The following ANXA8 variants were observed in gnomAD, a reference collection of about 807,000 sequenced individuals.
ANXA8 encodes the protein annexin A8.
In ANXA8, 9 loss-of-function variants were observed where a neutral mutation model predicts 26.8. That is an observed-to-expected ratio of 0.34 (90% CI 0.20 to 0.59). The LOEUF (loss-of-function observed/expected upper bound fraction) is 0.59. Ranked by LOEUF, ANXA8 falls within the 20% of genes least tolerant of loss-of-function variation. The pLI is 0.84. For synonymous variants in ANXA8, 39 were observed against 94.8 expected, an observed-to-expected ratio of 0.41 and a Z score of 3.42; for missense variants, 83 against 238.5, an observed-to-expected ratio of 0.35 and a Z score of 4.29.
At chr10:47,946,323 G>T in the ANXA8 span, among the ~76,000 whole-genome samples, 2 of 150,198 alleles carry the variant, frequency 1.3e-5, no homozygotes, top group Admixed American at 6.6e-5. Flanking sequence ...GTATTCTTGC[G>T]ATGGTTGGGC....
chr10:47,936,902 C>T, the ANXA8 span, among the ~76,000 whole-genome samples: 30 of 151,818 alleles, frequency 2.0e-4, no homozygotes, highest in South Asian at 4.2e-3. Context: ...GTATGGGCTG[C>T]TAAGTACTTT....
chr10:47,676,866 C>T, the ANXA8 span, among the ~76,000 whole-genome samples: 29 of 146,140 alleles, frequency 2.0e-4, no homozygotes, highest in Admixed American at 5.4e-4. Flanking sequence ...TGCACTGAGC[C>T]GAGATCATGT....
At chr10:47,738,622 G>C in the ANXA8 span, among the ~76,000 whole-genome samples, 2 of 151,984 alleles carry the variant, frequency 1.3e-5, no homozygotes, top group Non-Finnish European at 2.9e-5. Flanking sequence ...TGTTGCCCAG[G>C]CTGGAGTGCA....
chr10:47,966,046 G>A, the ANXA8 span, among the ~76,000 whole-genome samples: 2 of 141,292 alleles, frequency 1.4e-5, no homozygotes, highest in African/African-American at 5.0e-5. Flanking sequence ...GGGCAAAGGG[G>A]AAGAGGAAGA....
chr10:47,568,101 C>T, the ANXA8 span: 1 of 327,440 alleles, frequency 3.1e-6, no homozygotes. Flanking sequence ...ACGGTGCGAT[C>T]TCGGCTCACT....
the ANXA8 span, among the ~76,000 whole-genome samples, chr10:47,746,958 T>A: frequency 1.6e-5 from 2 of 125,314 alleles, no homozygotes; most frequent in Non-Finnish European, 3.4e-5. Flanking sequence ...TTTTTCTGCT[T>A]GAGGCAGACC....
the ANXA8 span, among the ~76,000 whole-genome samples, chr10:47,896,998 T>G: frequency 7.1e-6 from 1 of 140,884 alleles, no homozygotes; most frequent in Non-Finnish European, 1.5e-5. Flanking sequence ...TGGCGCGATC[T>G]CGGCTCACTG....
the ANXA8 span, among the ~76,000 whole-genome samples, chr10:47,940,107 C>G: frequency 6.6e-6 from 1 of 151,392 alleles, no homozygotes; most frequent in Non-Finnish European, 1.5e-5. Flanking sequence ...TTTCCTGGCT[C>G]CCTTGTTTCG....
the ANXA8 span, among the ~76,000 whole-genome samples, chr10:47,898,541 A>AAGTTT: frequency 1.3e-4 from 2 of 15,300 alleles, no homozygotes; most frequent in Non-Finnish European, 2.3e-4. Context: ...GGCATATTAT[A>AAGTTT]ACTTTAGAAA....
the ANXA8 span, among the ~76,000 whole-genome samples, chr10:47,762,181 G>T: frequency 6.6e-6 from 1 of 151,438 alleles, no homozygotes; most frequent in Non-Finnish European, 1.5e-5. Flanking sequence ...ATCAAGGTGA[G>T]CACGCGCTTA....
chr10:47,620,250 G>A, the ANXA8 span, among the ~76,000 whole-genome samples: 3 of 100,676 alleles, frequency 3.0e-5, 1 homozygote, highest in South Asian at 3.5e-4. Context: ...TTGGGATCTC[G>A]GAAATCTTGG....
At chr10:47,685,285 G>A in the ANXA8 span, among the ~76,000 whole-genome samples, 8 of 150,262 alleles carry the variant, frequency 5.3e-5, 1 homozygote, top group Admixed American at 4.7e-4. Context: ...GGCAGAGGTT[G>A]CAGTGAGCTG....
At chr10:47,960,124 T>C in the ANXA8 span, among the ~76,000 whole-genome samples, 22 of 148,878 alleles carry the variant, frequency 1.5e-4, no homozygotes, top group East Asian at 6.2e-4. Flanking sequence ...CTGTGAAAGA[T>C]GGTGACAAAT....
the ANXA8 span, among the ~76,000 whole-genome samples, chr10:47,625,887 C>G: frequency 6.6e-6 from 1 of 150,846 alleles, no homozygotes; most frequent in African/African-American, 2.5e-5. Context: ...TCCCCATGCC[C>G]TAGCTTCTGA....
At chr10:47,748,204 C>CTT in the ANXA8 span, among the ~76,000 whole-genome samples, 1 of 148,668 alleles carries the variant, frequency 6.7e-6, no homozygotes, top group Non-Finnish European at 1.5e-5. Flanking sequence ...GCACACTATA[C>CTT]TTTTTTTTTA....
At chr10:47,768,918 A>T in the ANXA8 span, among the ~76,000 whole-genome samples, 7 of 149,884 alleles carry the variant, frequency 4.7e-5, no homozygotes, top group African/African-American at 1.7e-4. Flanking sequence ...TGTGGCTCAG[A>T]GTGTGATGGG....
At chr10:47,572,787 C>G in the ANXA8 span, among the ~76,000 whole-genome samples, 1 of 149,572 alleles carries the variant, frequency 6.7e-6, no homozygotes, top group Non-Finnish European at 1.5e-5. Flanking sequence ...ATCTGTGCAT[C>G]CCAATACATT....
At chr10:47,970,999 A>G in the ANXA8 span, among the ~76,000 whole-genome samples, 1 of 151,448 alleles carries the variant, frequency 6.6e-6, no homozygotes, top group African/African-American at 2.4e-5. Flanking sequence ...CTGGGAGGCC[A>G]GCAGGTGGAA....
the ANXA8 span, among the ~76,000 whole-genome samples, chr10:47,624,529 A>T: frequency 1.1e-5 from 1 of 93,366 alleles, no homozygotes; most frequent in East Asian, 2.6e-4. Flanking sequence ...ATTCTGAACT[A>T]TTTTCTGCTG....
Sources: allele counts gnomAD v4.1 joint callset (sites outside exome capture counted in the v4.1 genomes callset), GRCh38; gene constraint gnomAD v4.1.1; transcripts MANE v1.5; gene names NCBI Gene and HGNC (gene_info 2026-07-23, HGNC 2026-07-21).